Variants in MYRIP observed in about 807,000 individuals in gnomAD.
MYRIP encodes myosin VIIA and Rab interacting protein, also known as rab effector MyRIP.
Under a neutral mutation model 98.0 loss-of-function variants are expected in MYRIP, and 49 were observed. The observed-to-expected ratio is 0.50, with a 90% CI of 0.40 to 0.63. The LOEUF is 0.63. MYRIP is among the 30% of genes least tolerant of loss of function. The probability of loss-of-function intolerance (pLI) is 0.00; values close to 1 mark genes in which losing one functional copy is unlikely to be tolerated. For missense variants in MYRIP, 1,004 were observed against 1,058.2 expected (o/e 0.95, Z 0.71); for synonymous variants, 404 against 409.5 (o/e 0.99, Z 0.16).
intron 2 of MYRIP, among the ~76,000 whole-genome samples, chr3:39,963,668 C>T (rs1945376108): frequency 2.0e-5 from 3 of 151,994 alleles, no homozygotes; most frequent in Admixed American, 6.6e-5. Context: ...TTAAAGATGC[C>T]AGAAAGTTGA....
chr3:40,021,107 G>A (rs1468198735), intron 2 of MYRIP, among the ~76,000 whole-genome samples: 1 of 152,170 alleles, frequency 6.6e-6, no homozygotes, highest in Non-Finnish European at 1.5e-5. Flanking sequence ...CTAAGGCAAG[G>A]AAGCCTTTAC....
intron 1 of MYRIP, among the ~76,000 whole-genome samples, chr3:39,833,662 G>T (rs1480219586): frequency 6.6e-6 from 1 of 152,188 alleles, no homozygotes; most frequent in Non-Finnish European, 1.5e-5. Context: ...AAAATGGGCA[G>T]AGACTGCACA....
intron 3 of MYRIP, among the ~76,000 whole-genome samples, chr3:40,087,346 A>C (rs1396631257): frequency 6.6e-6 from 1 of 152,188 alleles, no homozygotes; most frequent in Non-Finnish European, 1.5e-5. Flanking sequence ...CCTGGCCAGG[A>C]GTAAGCACTG....
At position 40,133,603 on chromosome 3, in the gene MYRIP, G is replaced by C. The variant is rs1949693828; in HGVS notation, c.333-17445G>C. Among the ~76,000 whole-genome samples the C allele has an allele frequency of 1.3e-5, 2 of 152,196 alleles. 1 individual carries two copies. The highest frequency in any genetic ancestry group is 4.1e-4 in the South Asian group (2 of 4,834). ...TGTATGTTTAGAGGCTGGGCACAGT[G>C]GCTGATGCCTGTAATCCCTAGTACT... On this transcript the variant is annotated intron_variant, in intron 3 of 16. Coordinates refer to ENST00000302541, the MANE Select transcript of MYRIP (RefSeq NM_015460.4).
chr3:39,817,893 T>G (rs1940974050), intron 1 of MYRIP, among the ~76,000 whole-genome samples: 1 of 152,194 alleles, frequency 6.6e-6, no homozygotes, highest in Non-Finnish European at 1.5e-5. Context: ...TGTGATATTT[T>G]AAGTGGATTC....
chr3:40,156,802 G>A (rs1036521959), intron 4 of MYRIP, among the ~76,000 whole-genome samples: 27 of 152,142 alleles, frequency 1.8e-4, no homozygotes, highest in African/African-American at 5.8e-4. Context: ...TTTGTCTGTT[G>A]TTGGTGTATA....
At chr3:39,868,899 G>A (rs191892384) in intron 1 of MYRIP, among the ~76,000 whole-genome samples, 16 of 152,202 alleles carry the variant, frequency 1.1e-4, no homozygotes, top group African/African-American at 3.1e-4. Context: ...ACAATTTCTC[G>A]TAAGAGGTCA....
At chr3:40,083,892 C>T (rs1948536582) in intron 3 of MYRIP, among the ~76,000 whole-genome samples, 2 of 151,996 alleles carry the variant, frequency 1.3e-5, no homozygotes, top group Non-Finnish European at 2.9e-5. Context: ...AATCCCAACA[C>T]TTTGTGAGGC....
intron 3 of MYRIP, among the ~76,000 whole-genome samples, chr3:40,123,400 G>T (rs990087879): frequency 9.9e-5 from 15 of 152,182 alleles, no homozygotes; most frequent in African/African-American, 3.4e-4. Context: ...TGAAAATGGG[G>T]CCTCAGCTGG....
intron 2 of MYRIP, among the ~76,000 whole-genome samples, chr3:39,901,723 T>C (rs1943747722): frequency 6.6e-6 from 1 of 152,220 alleles, no homozygotes; most frequent in Non-Finnish European, 1.5e-5. Flanking sequence ...TTGCTCACTT[T>C]GATTATCCAA....
intron 3 of MYRIP, among the ~76,000 whole-genome samples, chr3:40,072,523 A>C (rs2125860212): frequency 6.6e-6 from 1 of 152,294 alleles, no homozygotes; most frequent in Admixed American, 6.5e-5. Flanking sequence ...TTAAAAAGTA[A>C]GTTTTTGCTA....
At chr3:39,943,602 A>G (rs562984170) in intron 2 of MYRIP, among the ~76,000 whole-genome samples, 1 of 152,296 alleles carries the variant, frequency 6.6e-6, no homozygotes, top group African/African-American at 2.4e-5. Context: ...CTATGAGATC[A>G]GTACATCCCC....
At chr3:40,043,379 G>A (rs1311871707) in intron 2 of MYRIP, among the ~76,000 whole-genome samples, 1 of 151,898 alleles carries the variant, frequency 6.6e-6, no homozygotes, top group Non-Finnish European at 1.5e-5. Flanking sequence ...TCAACCTGTT[G>A]GCAGTGTATT....
chr3:40,056,848 A>C (rs1255935773), intron 3 of MYRIP, among the ~76,000 whole-genome samples: 1 of 152,290 alleles, frequency 6.6e-6, no homozygotes, highest in Non-Finnish European at 1.5e-5. Context: ...TATGTGTTGG[A>C]ATTACAGACT....
rs114200507 is a variant in MYRIP at position 40,175,956 on chromosome 3, G to A, written c.873+5863G>A. ...CTGGGGATGTGCAGCTGCTGCTGAG[G>A]CAAAGAATGTGAGGAACAACCATTG... On this transcript the variant is annotated intron_variant, in intron 8 of 16. Coordinates refer to ENST00000302541, the MANE Select transcript of MYRIP (RefSeq NM_015460.4). Among the ~76,000 whole-genome samples, 437 of 152,350 alleles carry A rather than the reference G, an allele frequency of 2.9e-3. 1 individual carries two copies. Among genetic ancestry groups the A allele is most frequent in the African/African-American group, 9.9e-3 (413 of 41,584 alleles).
chr3:39,903,822 C>T (rs1461951963), intron 2 of MYRIP, among the ~76,000 whole-genome samples: 1 of 152,170 alleles, frequency 6.6e-6, no homozygotes, highest in Non-Finnish European at 1.5e-5. Context: ...AGATTCTCTC[C>T]ATTACGTAGA....
At chr3:40,070,861 C>T (rs929099777) in intron 3 of MYRIP, among the ~76,000 whole-genome samples, 3 of 152,198 alleles carry the variant, frequency 2.0e-5, no homozygotes, top group African/African-American at 7.2e-5. Flanking sequence ...ATATCATTTT[C>T]TGCAGTCCAG....
At chr3:40,224,582 A>G (rs553030493) in intron 11 of MYRIP, among the ~76,000 whole-genome samples, 1 of 152,286 alleles carries the variant, frequency 6.6e-6, no homozygotes, top group East Asian at 1.9e-4. Flanking sequence ...AGACAATACT[A>G]GGTACCATCA....
At chr3:40,241,049 G>A (rs967067390) in intron 12 of MYRIP, among the ~76,000 whole-genome samples, 1 of 152,178 alleles carries the variant, frequency 6.6e-6, no homozygotes, top group Non-Finnish European at 1.5e-5. Context: ...GACAAAGAAG[G>A]ATAGAAAATG....
Sources: allele counts gnomAD v4.1 joint callset (sites outside exome capture counted in the v4.1 genomes callset), GRCh38; gene constraint gnomAD v4.1.1; transcripts MANE v1.5; gene names NCBI Gene and HGNC (gene_info 2026-07-23, HGNC 2026-07-21).